Variants in PLEKHH2 observed in about 807,000 individuals in gnomAD.
PLEKHH2 encodes the protein pleckstrin homology domain-containing family H member 2.
In PLEKHH2, 129 loss-of-function variants were observed where a neutral mutation model predicts 187.9. The observed-to-expected ratio is 0.69, with a 90% CI of 0.59 to 0.79. The LOEUF is 0.79. Ranked by LOEUF, PLEKHH2 falls within the 30% of genes least tolerant of loss-of-function variation. The pLI is 0.00. For synonymous variants in PLEKHH2, 686 were observed against 605.6 expected (o/e 1.13, Z -1.95); for missense variants, 2,076 against 1,751.2 (o/e 1.19, Z -3.31).
At chr2:43,638,273 A>ACACACACACACACACACT (rs1703210746) in intron 1 of PLEKHH2, among the ~76,000 whole-genome samples, 5 of 150,820 alleles carry the variant, frequency 3.3e-5, no homozygotes, top group African/African-American at 1.2e-4. Flanking sequence ...ACACACACAC[A>ACACACACACACACACACT]CACACACACA....
chr2:43,645,419 C>T (rs1028138783), intron 2 of PLEKHH2, among the ~76,000 whole-genome samples: 7 of 152,234 alleles, frequency 4.6e-5, no homozygotes, highest in Non-Finnish European at 8.8e-5. Context: ...CTTAATACTA[C>T]AGTTACATAT....
At chr2:43,710,463 T>A (rs769093693) in intron 13 of PLEKHH2, 26 bp from the exon 14 acceptor site, 1 of 1,589,508 alleles carries the variant, frequency 6.3e-7, no homozygotes, top group East Asian at 2.2e-5. Flanking sequence ...TTAATCACTT[T>A]CCATTTGTTT....
chr2:43,691,656 C>T (rs1322347282), intron 3 of PLEKHH2, among the ~76,000 whole-genome samples: 1 of 152,170 alleles, frequency 6.6e-6, no homozygotes, highest in Non-Finnish European at 1.5e-5. Flanking sequence ...ATCATTATCA[C>T]CTGAGTAATG....
chr2:43,692,973 G>A (rs1668886319), intron 4 of PLEKHH2, among the ~76,000 whole-genome samples: 1 of 152,180 alleles, frequency 6.6e-6, no homozygotes, highest in African/African-American at 2.4e-5. Flanking sequence ...AAGTGCAGTG[G>A]CTCGATCTCA....
At chr2:43,675,651 C>G (rs374407465) in intron 2 of PLEKHH2, 1 of 1,613,980 alleles carries the variant, frequency 6.2e-7, no homozygotes, top group African/African-American at 1.3e-5. Flanking sequence ...CTGCATATTT[C>G]AGGCATATTG....
At chr2:43,640,792 A>G (rs1665869370) in intron 1 of PLEKHH2, among the ~76,000 whole-genome samples, 1 of 150,804 alleles carries the variant, frequency 6.6e-6, no homozygotes, top group African/African-American at 2.4e-5. Context: ...TATTATTATT[A>G]TTGTTTTTAA....
At chr2:43,762,489 T>C (rs1672468103) in intron 28 of PLEKHH2, 99 bp downstream of exon 28, 1 of 910,918 alleles carries the variant, frequency 1.1e-6, no homozygotes, top group Non-Finnish European at 1.7e-6. Flanking sequence ...ATTTTTCTCT[T>C]ACCCAGGAAA....
intron 10 of PLEKHH2, 72 bp downstream of exon 10, chr2:43,706,488 C>A: frequency 9.2e-7 from 1 of 1,092,556 alleles, no homozygotes. Context: ...TTAATTCAAG[C>A]TCCAGATTCC....
chr2:43,746,246 A>G (rs567565338), intron 24 of PLEKHH2, among the ~76,000 whole-genome samples: 2 of 152,306 alleles, frequency 1.3e-5, no homozygotes, highest in South Asian at 4.1e-4. Flanking sequence ...GCTCACGCCT[A>G]TAATCCCAGC....
chr2:43,731,570 G>C lies in PLEKHH2; in HGVS notation c.2911G>C (p.Ala971Pro). The C allele has an allele frequency of 6.3e-7, 1 of 1,594,356 alleles. No individual in the cohort carries two copies. The highest frequency in any genetic ancestry group is 2.2e-5 in the East Asian group (1 of 44,726). Residue 971 changes from alanine (A) to proline (P), a missense_variant, in exon 19 of 30, where the codon GCC (alanine) becomes CCC (proline). Physicochemically the swap from Ala to Pro is conservative, Grantham distance 27. Transcript: ENST00000282406. ...CCCTCTGACAACTCTACCTTCCGAAGCCCTGCAGACAGAAGCTATTAAATT... is the reference window on the plus strand; with the variant it reads ...CCCTCTGACAACTCTACCTTCCGAACCCCTGCAGACAGAAGCTATTAAATT... ...ISPLTTLPSE[A>P]LQTEAIKLFK... is the part of the protein sequence containing the mutation.
At chr2:43,757,651 C>T (rs764832049) in intron 26 of PLEKHH2, among the ~76,000 whole-genome samples, 92 of 152,036 alleles carry the variant, frequency 6.1e-4, no homozygotes, top group Non-Finnish European at 1.1e-3. Context: ...ATCTCCTGAC[C>T]TCATGAACTG....
At chr2:43,748,307 A>T (rs7596913) in intron 24 of PLEKHH2, among the ~76,000 whole-genome samples, 65,519 of 152,066 alleles carry the variant, frequency 0.43, 17,303 homozygotes, top group African/African-American at 0.75. Context: ...TATTGCATAG[A>T]TATTGGAAAT....
At chr2:43,727,179 C>T (rs965955171) in intron 17 of PLEKHH2, among the ~76,000 whole-genome samples, 7 of 152,040 alleles carry the variant, frequency 4.6e-5, no homozygotes, top group African/African-American at 1.2e-4. Context: ...TTCGGGAGGC[C>T]GAGGCGGGTG....
At chr2:43,758,738 G>C (rs1672312326) in intron 26 of PLEKHH2, among the ~76,000 whole-genome samples, 162 bp from the exon 27 acceptor site, 1 of 152,206 alleles carries the variant, frequency 6.6e-6, no homozygotes, top group South Asian at 2.1e-4. Flanking sequence ...ACAAGTGATG[G>C]ACAGTGGTGT....
chr2:43,710,742 A>T, intron 14 of PLEKHH2, 167 bp downstream of exon 14: 4 of 1,404,020 alleles, frequency 2.8e-6, no homozygotes, highest in Middle Eastern at 2.6e-4. Flanking sequence ...ATTTTTGGTT[A>T]AAACTATAAT....
intron 2 of PLEKHH2, among the ~76,000 whole-genome samples, chr2:43,669,334 G>C (rs1435560177): frequency 3.9e-5 from 6 of 152,158 alleles, no homozygotes; most frequent in Non-Finnish European, 5.9e-5. Flanking sequence ...ACTGCCAATG[G>C]GTACAGGGTT....
At chr2:43,712,477 G>C in intron 15 of PLEKHH2, 94 bp downstream of exon 15, 1 of 1,376,200 alleles carries the variant, frequency 7.3e-7, no homozygotes, top group Non-Finnish European at 9.9e-7. Flanking sequence ...TACATATATT[G>C]AATATTGATA....
intron 19 of PLEKHH2, among the ~76,000 whole-genome samples, 177 bp from the exon 20 acceptor site, chr2:43,738,164 C>T (rs934070983): frequency 6.6e-6 from 1 of 152,160 alleles, no homozygotes; most frequent in African/African-American, 2.4e-5. Flanking sequence ...GCTCTGAAAT[C>T]TGCTTTGTCT....
chr2:43,716,800 A>G (rs551877503), intron 15 of PLEKHH2, among the ~76,000 whole-genome samples: 1 of 152,348 alleles, frequency 6.6e-6, no homozygotes, highest in East Asian at 1.9e-4. Flanking sequence ...AATGTATGTG[A>G]AAATAGAGGG....
Sources: allele counts gnomAD v4.1 joint callset (sites outside exome capture counted in the v4.1 genomes callset), GRCh38; gene constraint gnomAD v4.1.1; transcripts MANE v1.5; gene names NCBI Gene and HGNC (gene_info 2026-07-23, HGNC 2026-07-21).